The following TDRD7 variants were observed in gnomAD, a reference collection of about 807,000 sequenced individuals.
The protein encoded by TDRD7 is tudor domain-containing protein 7.
Under a neutral mutation model 109.8 loss-of-function variants are expected in TDRD7, and 47 were observed. The ratio of observed to expected loss-of-function variants is 0.43; its 90% CI spans 0.34 to 0.55. The LOEUF is 0.55. TDRD7 is among the 20% of genes least tolerant of loss of function. The probability of loss-of-function intolerance (pLI) is 0.03; values close to 1 mark genes in which losing one functional copy is unlikely to be tolerated. For synonymous variants in TDRD7, 424 were observed against 457.3 expected (o/e 0.93, Z 0.93); for missense variants, 1,164 against 1,319.2 (o/e 0.88, Z 1.82).
At chr9:97,414,392 A>G (rs1210607514) in intron 1 of TDRD7, among the ~76,000 whole-genome samples, 1 of 152,246 alleles carries the variant, frequency 6.6e-6, no homozygotes, top group African/African-American at 2.4e-5. Flanking sequence ...ATGAGTAAGC[A>G]AACTCGGTTT....
chr9:97,451,415 A>C (rs1828490038), intron 6 of TDRD7, among the ~76,000 whole-genome samples: 1 of 152,064 alleles, frequency 6.6e-6, no homozygotes, highest in Admixed American at 6.6e-5. Context: ...CCAGCCTTCC[A>C]AAGTGCTGGG....
intron 15 of TDRD7, among the ~76,000 whole-genome samples, 164 bp downstream of exon 15, chr9:97,483,515 C>T (rs1219500213): frequency 6.6e-6 from 1 of 152,008 alleles, no homozygotes; most frequent in African/African-American, 2.4e-5. Flanking sequence ...AAAATGATGT[C>T]ACTTATCAAA....
Position 97,483,235 on chromosome 9 carries a change from G to C in TDRD7, c.2799G>C (p.Gln933His). Residue 933 changes from glutamine to histidine, a missense_variant, in exon 15 of 17, where the codon CAG becomes CAC. Transcript: ENST00000355295. ...GCTACTTCGTCATCCAGCCTTGGCA[G>C]GAGATACATAAGTTGGAAGTTCTGA... ...HPGYFVIQPW[Q>H]EIHKLEVLME... The C allele has an allele frequency of 6.2e-7, 1 of 1,613,564 alleles. No individual in the cohort carries two copies. The highest frequency in any genetic ancestry group is 8.5e-7 in the Non-Finnish European group (1 of 1,179,620).
chr9:97,468,548 C>T (rs945952755), intron 8 of TDRD7, among the ~76,000 whole-genome samples: 1 of 152,178 alleles, frequency 6.6e-6, no homozygotes, highest in Non-Finnish European at 1.5e-5. Flanking sequence ...ATGATTTCTC[C>T]CTTTATTTGG....
chr9:97,432,666 T>G (rs1208987223), intron 4 of TDRD7, among the ~76,000 whole-genome samples: 1 of 152,212 alleles, frequency 6.6e-6, no homozygotes, highest in Non-Finnish European at 1.5e-5. Context: ...CTGGCAATAA[T>G]AAGACAACCT....
chr9:97,438,189 CTAT>C (rs1828237095), intron 4 of TDRD7, among the ~76,000 whole-genome samples: 1 of 152,110 alleles, frequency 6.6e-6, no homozygotes, highest in Non-Finnish European at 1.5e-5. Context: ...GCATCTTCTG[CTAT>C]TACACAGATA....
At chr9:97,448,271 T>G (rs922924188) in intron 6 of TDRD7, among the ~76,000 whole-genome samples, 1 of 152,204 alleles carries the variant, frequency 6.6e-6, no homozygotes, top group African/African-American at 2.4e-5. Context: ...GTAGGTGATA[T>G]GGAACGGTGG....
intron 1 of TDRD7, among the ~76,000 whole-genome samples, chr9:97,422,442 A>C (rs775628893): frequency 1.3e-5 from 2 of 152,226 alleles, no homozygotes; most frequent in Non-Finnish European, 2.9e-5. Flanking sequence ...TCTGGATTAC[A>C]TATTCTGTTC....
At chr9:97,438,189 C>T (rs904933533) in intron 4 of TDRD7, among the ~76,000 whole-genome samples, 1 of 152,110 alleles carries the variant, frequency 6.6e-6, no homozygotes, top group East Asian at 1.9e-4. Flanking sequence ...GCATCTTCTG[C>T]TATTACACAG....
At chr9:97,417,944 G>A (rs1827837540) in intron 1 of TDRD7, among the ~76,000 whole-genome samples, 2 of 152,170 alleles carry the variant, frequency 1.3e-5, no homozygotes, top group Admixed American at 1.3e-4. Context: ...GGCCAACATG[G>A]TGAAACCCCG....
intron 1 of TDRD7, among the ~76,000 whole-genome samples, chr9:97,423,224 G>A (rs993554061): frequency 6.6e-6 from 1 of 152,114 alleles, no homozygotes; most frequent in African/African-American, 2.4e-5. Flanking sequence ...ATATTTGAGG[G>A]TTATTTATTT....
Position 97,460,768 on chromosome 9 carries a change from A to C in TDRD7, c.1442+4A>C, listed in dbSNP as rs1208914164. ...ACACAAATGAAGTGGTTATCAGGCA[A>C]GTTTCATTTTCTAATTCTTTAGGAT... On this transcript the variant is annotated splice_donor_region_variant and intron_variant, in intron 7 of 16. Transcript: ENST00000355295. The C allele has an allele frequency of 6.2e-7, 1 of 1,612,208 alleles. No homozygotes were observed. Among genetic ancestry groups the C allele is most frequent in the South Asian group, 1.1e-5 (1 of 91,046 alleles).
At chr9:97,428,370 T>G in intron 1 of TDRD7, 90 bp from the exon 2 acceptor site, 1 of 1,293,544 alleles carries the variant, frequency 7.7e-7, no homozygotes, top group Non-Finnish European at 1.1e-6. Flanking sequence ...AGTAATAATT[T>G]ATAAAGTAAC....
intron 4 of TDRD7, among the ~76,000 whole-genome samples, chr9:97,433,059 A>G (rs1394343425): frequency 1.3e-5 from 2 of 152,200 alleles, no homozygotes; most frequent in Non-Finnish European, 1.5e-5. Flanking sequence ...CCTGATGTAG[A>G]TGCATCAAGA....
chr9:97,493,349 T>A (rs889155179), intron 16 of TDRD7, among the ~76,000 whole-genome samples: 2 of 152,118 alleles, frequency 1.3e-5, no homozygotes, highest in African/African-American at 4.8e-5. Context: ...AGACATCACA[T>A]GTCCGCAAGT....
Position 97,482,975 on chromosome 9 carries a change from G to A in TDRD7, c.2539G>A (p.Asp847Asn), listed in dbSNP as rs1477743112. 2 of 1,614,188 alleles carry A rather than the reference G, an allele frequency of 1.2e-6. No homozygotes were observed. Among genetic ancestry groups the A allele is most frequent in the South Asian group, 2.2e-5 (2 of 91,092 alleles). The stretch of plus-strand genomic sequence containing the variant: ...TGCAGACTTGTGGAAGCATCAGAAG[G>A]ATGTGTTTTTGAGTGCCATATCCAG... ...TNADLWKHQK[D>N]VFLSAISSGA... Residue 847 changes from aspartate to asparagine, a missense_variant, in exon 15 of 17, where the codon GAT becomes AAT. Physicochemically the swap from Asp to Asn is conservative, Grantham distance 23 (BLOSUM62 1). Coordinates refer to ENST00000355295, the MANE Select transcript of TDRD7 (RefSeq NM_014290.3).
intron 4 of TDRD7, among the ~76,000 whole-genome samples, chr9:97,435,520 C>T (rs1367833084): frequency 6.6e-6 from 1 of 150,788 alleles, no homozygotes; most frequent in Non-Finnish European, 1.5e-5. Context: ...CCTGTAGTCT[C>T]AGCTGCTTGA....
chr9:97,452,246 C>T (rs550154825), intron 6 of TDRD7, among the ~76,000 whole-genome samples: 25 of 152,218 alleles, frequency 1.6e-4, no homozygotes, highest in African/African-American at 5.8e-4. Flanking sequence ...AAAGAAACCC[C>T]AAAGATTGGA....
At position 97,428,620 on chromosome 9, in the gene TDRD7, A is replaced by G. The variant is rs1437147437; in HGVS notation, c.155A>G (p.Tyr52Cys). 1 of 1,614,020 alleles carries G rather than the reference A, an allele frequency of 6.2e-7. No homozygotes were observed. The highest frequency in any genetic ancestry group is 1.7e-4 in the Middle Eastern group (1 of 6,056). Residue 52 changes from tyrosine to cysteine, a missense_variant, in exon 2 of 17, where the codon TAT becomes TGT. Coordinates refer to ENST00000355295, the MANE Select transcript of TDRD7 (RefSeq NM_014290.3). ...CTAGGTTTCCCTACACTAGAAGCCT[A>G]TCTGAGAAGTGTGCCAGCAGTGGTC... ...KQLGFPTLEAYLRSVPAVVRI... is the reference protein window; with the variant it reads ...KQLGFPTLEACLRSVPAVVRI...
Sources: gnomAD v4.1 joint callset for allele counts (sites outside exome capture counted in the v4.1 genomes callset) on GRCh38, gnomAD v4.1.1 for gene constraint, MANE v1.5 for transcripts, NCBI Gene and HGNC (gene_info 2026-07-23, HGNC 2026-07-21) for gene names.